The following ARAP2 variants were observed in gnomAD, a reference collection of about 807,000 sequenced individuals.
The protein encoded by ARAP2 is ArfGAP with RhoGAP domain, ankyrin repeat and PH domain 2, also known as arf-GAP with Rho-GAP domain, ANK repeat and PH domain-containing protein 2.
Under a neutral mutation model 194.5 loss-of-function variants are expected in ARAP2, and 148 were observed. The ratio of observed to expected loss-of-function variants is 0.76; its 90% CI spans 0.67 to 0.87. ARAP2 has a LOEUF of 0.87. ARAP2 is among the 40% of genes least tolerant of loss of function. The pLI, the probability that ARAP2 is intolerant of heterozygous loss-of-function variation, is 0.00. For synonymous variants in ARAP2, 695 were observed against 683.5 expected (o/e 1.02, Z -0.26); for missense variants, 2,128 against 1,989.7 (o/e 1.07, Z -1.32).
chr4:36,210,845 G>C (rs1746597653), intron 5 of ARAP2, 102 bp from the exon 6 acceptor site: 11 of 884,882 alleles, frequency 1.2e-5, no homozygotes, highest in Non-Finnish European at 1.7e-5. Context: ...GAAACATAAG[G>C]CCAGGAAAAT....
chr4:36,015,190 T>C (rs1158050593), intron 8 of ARAP2, among the ~76,000 whole-genome samples: 1 of 152,244 alleles, frequency 6.6e-6, no homozygotes, highest in East Asian at 1.9e-4. Context: ...TATTGATTTA[T>C]ATCTGAAATC....
chr4:36,157,993 G>A (rs891944224), intron 15 of ARAP2, among the ~76,000 whole-genome samples: 1 of 152,028 alleles, frequency 6.6e-6, no homozygotes, highest in Non-Finnish European at 1.5e-5. Flanking sequence ...GGCATGTACA[G>A]CTTAATCTCT....
intron 2 of ARAP2, among the ~76,000 whole-genome samples, chr4:36,220,358 C>T (rs1180473676): frequency 1.3e-5 from 2 of 151,928 alleles, no homozygotes; most frequent in Non-Finnish European, 2.9e-5. Context: ...GATGTTGTAG[C>T]CATTGCAACA....
chr4:36,190,627 T>A (rs190393698), intron 7 of ARAP2, among the ~76,000 whole-genome samples: 2 of 152,316 alleles, frequency 1.3e-5, no homozygotes, highest in African/African-American at 4.8e-5. Context: ...TTTCAGTTTG[T>A]TTTTCTTCTG....
rs73809124 is a variant in ARAP2, at chr4:36,137,278, A to G, written c.3264-3889T>C. Among the ~76,000 whole-genome samples the G allele has an allele frequency of 5.3e-3, 806 of 151,994 alleles. 11 individuals carry two copies. Among genetic ancestry groups the G allele is most frequent in the African/African-American group, 0.018 (759 of 41,520 alleles). ...TGCACACAAACACATGCATTTAGCC[A>G]AGCATTGCAAAAATGGAAATAAGTT... On this transcript the variant is annotated intron_variant, in intron 19 of 32. Coordinates refer to ENST00000303965, the MANE Select transcript of ARAP2 (RefSeq NM_015230.4).
chr4:36,102,927 C>CA (rs908964424), intron 27 of ARAP2, among the ~76,000 whole-genome samples: 280 of 143,388 alleles, frequency 2.0e-3, no homozygotes, highest in East Asian at 4.4e-3. Flanking sequence ...TCATCAATTT[C>CA]AAAAAAAAAA....
chr4:36,019,906 T>C (rs188570711), intron 5 of ARAP2, among the ~76,000 whole-genome samples: 1 of 152,276 alleles, frequency 6.6e-6, no homozygotes, highest in Non-Finnish European at 1.5e-5. Context: ...AGACCCTCAG[T>C]GGATGTCTGA....
At chr4:36,203,550 C>A (rs1404631113) in intron 6 of ARAP2, among the ~76,000 whole-genome samples, 1 of 151,954 alleles carries the variant, frequency 6.6e-6, no homozygotes, top group Non-Finnish European at 1.5e-5. Flanking sequence ...TGCCACTGCA[C>A]TCCATCCTGG....
intron 3 of ARAP2, among the ~76,000 whole-genome samples, chr4:36,050,492 T>A (rs771524110): frequency 6.6e-6 from 1 of 152,200 alleles, no homozygotes. Flanking sequence ...AGGATTTTCA[T>A]GTGTGGCGTT....
At chr4:36,124,787 C>A in intron 22 of ARAP2, 75 bp downstream of exon 22, 1 of 927,414 alleles carries the variant, frequency 1.1e-6, no homozygotes, top group Non-Finnish European at 1.7e-6. Context: ...TAGAAAGATT[C>A]ACAATCACAT....
At chr4:36,194,436 G>T (rs1003400021) in intron 6 of ARAP2, among the ~76,000 whole-genome samples, 2 of 152,008 alleles carry the variant, frequency 1.3e-5, no homozygotes, top group Admixed American at 1.3e-4. Context: ...GAAAATATAC[G>T]AAAACGAACT....
intron 25 of ARAP2, 27 bp downstream of exon 25, chr4:36,117,034 C>G (rs376009148): frequency 1.4e-6 from 2 of 1,478,394 alleles, no homozygotes; most frequent in Non-Finnish European, 1.8e-6. Context: ...TCCAACAGTC[C>G]TCTTTACATC....
Position 36,028,001 on chromosome 4 carries a change from T to C in ARAP2, n.608-8715A>G, listed in dbSNP as rs573756912. 5.9e-5 allele frequency among the ~76,000 whole-genome samples: 9 copies of C among 152,270 alleles called. No homozygotes were observed. The South Asian group carries it at 1.9e-3, about 32-fold the overall frequency. On this transcript the variant is annotated intron_variant and non_coding_transcript_variant, in intron 5 of 12. Transcript: ENST00000503225. ...TTTACCCATTAAACATGTTCTCAGC[T>C]TGAGGATTGGGGTACATAAATGCGC...
At chr4:36,115,070 A>G (rs1720999108) in intron 25 of ARAP2, among the ~76,000 whole-genome samples, 1 of 152,044 alleles carries the variant, frequency 6.6e-6, no homozygotes, top group Non-Finnish European at 1.5e-5. Context: ...ATTTTCAGTA[A>G]AAGGATGTCT....
intron 1 of ARAP2, among the ~76,000 whole-genome samples, chr4:36,238,092 T>C (rs1752770584): frequency 6.6e-6 from 1 of 152,176 alleles, no homozygotes; most frequent in South Asian, 2.1e-4. Flanking sequence ...ATCCATTCAC[T>C]TACCTTAGTG....
At chr4:36,161,809 A>G (rs1368332979) in intron 11 of ARAP2, among the ~76,000 whole-genome samples, 15 of 150,818 alleles carry the variant, frequency 9.9e-5, no homozygotes, top group Admixed American at 8.6e-4. Context: ...AAAAAAAAAA[A>G]AAAAAAAAAA....
intron 7 of ARAP2, chr4:36,015,851 T>C (rs576899655): frequency 1.7e-4 from 26 of 152,362 alleles, no homozygotes; most frequent in African/African-American, 5.3e-4. Context: ...AGATTATTGA[T>C]AGTGTTGTAA....
At chr4:36,120,513 A>G (rs1406611569) in intron 23 of ARAP2, among the ~76,000 whole-genome samples, 1 of 151,596 alleles carries the variant, frequency 6.6e-6, no homozygotes, top group Non-Finnish European at 1.5e-5. Context: ...GGAATGTTCA[A>G]AAGGTTAAAT....
At chr4:36,203,053 G>T (rs1415272345) in intron 6 of ARAP2, among the ~76,000 whole-genome samples, 1 of 152,168 alleles carries the variant, frequency 6.6e-6, no homozygotes, top group African/African-American at 2.4e-5. Context: ...GGCAGTTTAA[G>T]ATGTAGACTT....
Sources: gnomAD v4.1 joint callset for allele counts (sites outside exome capture counted in the v4.1 genomes callset) on GRCh38, gnomAD v4.1.1 for gene constraint, MANE v1.5 for transcripts, NCBI Gene and HGNC (gene_info 2026-07-23, HGNC 2026-07-21) for gene names.